WWC2: variants seen among roughly 807,000 people sequenced by gnomAD.
WWC2 encodes protein WWC2.
WWC2 carries 101 observed loss-of-function variants against 138.5 expected under a neutral mutation model. The observed-to-expected ratio is 0.73, with a 90% CI of 0.62 to 0.86. The LOEUF (loss-of-function observed/expected upper bound fraction) is 0.86. Ranked by LOEUF, WWC2 falls within the 40% of genes least tolerant of loss-of-function variation. The probability of loss-of-function intolerance (pLI) is 0.00; values close to 1 mark genes in which losing one functional copy is unlikely to be tolerated. For synonymous variants in WWC2, 558 were observed against 538.4 expected, an observed-to-expected ratio of 1.04 and a Z score of -0.50; for missense variants, 1,420 against 1,419.4, an observed-to-expected ratio of 1.00 and a Z score of -0.01.
chr4:183,140,996 T>C (rs1248793423), intron 1 of WWC2, among the ~76,000 whole-genome samples: 1 of 152,214 alleles, frequency 6.6e-6, no homozygotes. Flanking sequence ...AATTGTGCTC[T>C]GAATAAGTGT....
chr4:183,106,975 CTA>C (rs1400628264), intron 1 of WWC2, among the ~76,000 whole-genome samples: 4 of 151,974 alleles, frequency 2.6e-5, no homozygotes, highest in Non-Finnish European at 4.4e-5. Flanking sequence ...TATGGCAGTT[CTA>C]TGTTTAACTT....
chr4:183,158,208 A>G (rs1007821060), intron 1 of WWC2, among the ~76,000 whole-genome samples: 2 of 152,158 alleles, frequency 1.3e-5, no homozygotes, highest in Admixed American at 1.3e-4. Flanking sequence ...CAGCGTATGC[A>G]TTCTTGAAAA....
intron 5 of WWC2, 108 bp from the exon 6 acceptor site, chr4:183,245,308 A>G: frequency 1.1e-6 from 1 of 906,074 alleles, no homozygotes; most frequent in Non-Finnish European, 1.5e-6. Flanking sequence ...GACAGTCAGC[A>G]GTGAAATAAT....
chr4:183,188,936 G>A (rs1165208205), intron 1 of WWC2, among the ~76,000 whole-genome samples: 2 of 151,742 alleles, frequency 1.3e-5, no homozygotes, highest in Non-Finnish European at 2.9e-5. Context: ...ATGAACCACC[G>A]TGCCTGCCCC....
intron 21 of WWC2, among the ~76,000 whole-genome samples, chr4:183,298,516 T>G (rs1053664345): frequency 6.6e-6 from 1 of 152,194 alleles, no homozygotes; most frequent in African/African-American, 2.4e-5. Context: ...AGATCTTAGA[T>G]GCTGTTGTGG....
At chr4:183,128,032 A>G (rs183192774) in intron 1 of WWC2, among the ~76,000 whole-genome samples, 103 of 148,374 alleles carry the variant, frequency 6.9e-4, no homozygotes, top group Admixed American at 8.8e-4. Context: ...ACATAGTGAG[A>G]CCCCATCTCT....
At chr4:183,137,436 C>T (rs1179844395) in intron 1 of WWC2, among the ~76,000 whole-genome samples, 2 of 151,650 alleles carry the variant, frequency 1.3e-5, no homozygotes, top group East Asian at 3.9e-4. Flanking sequence ...CACACATTAG[C>T]CTAGGCCTGC....
At position 183,282,802 on chromosome 4, in the gene WWC2, A is replaced by C. The variant is rs373515970; in HGVS notation, c.2779A>C (p.Ser927Arg). ...GGACAGTAGCTGTACAGAAGATTTA[A>C]GTTCATGCACTAGTGTGCCTGAGAT... ...PEDSSCTEDL[S>R]SCTSVPEMNE... Residue 927 changes from serine to arginine, a missense_variant, in exon 18 of 23, where the codon AGT (serine) becomes CGT (arginine). Transcript: ENST00000403733. 4 of 1,586,462 alleles carry C rather than the reference A, an allele frequency of 2.5e-6. No individual in the cohort carries two copies. The African/African-American group carries it at 5.4e-5, about 21-fold the overall frequency.
At chr4:183,263,034 A>G (rs28580063) in intron 11 of WWC2, among the ~76,000 whole-genome samples, 2,537 of 152,312 alleles carry the variant, frequency 0.017, 69 homozygotes, top group African/African-American at 0.057. Flanking sequence ...GGTAATTATT[A>G]GTACTCTGTG....
At chr4:183,173,812 AC>A (rs1734368246) in intron 1 of WWC2, among the ~76,000 whole-genome samples, 1 of 151,972 alleles carries the variant, frequency 6.6e-6, no homozygotes, top group African/African-American at 2.4e-5. Flanking sequence ...AACCACTGAG[AC>A]TTTGGTATTG....
intron 1 of WWC2, among the ~76,000 whole-genome samples, chr4:183,156,392 G>A (rs1364934011): frequency 1.4e-5 from 2 of 141,958 alleles, no homozygotes; most frequent in Admixed American, 7.4e-5. Context: ...CTGTAGTGCA[G>A]TGGCACAATC....
intron 5 of WWC2, 93 bp downstream of exon 5, chr4:183,240,355 C>CTTAATTTT: frequency 1.0e-6 from 1 of 996,262 alleles, no homozygotes; most frequent in Non-Finnish European, 1.4e-6. Flanking sequence ...TAAGCGATTT[C>CTTAATTTT]TTAAAGAAAC....
chr4:183,100,225 C>T (rs980956743), intron 1 of WWC2, among the ~76,000 whole-genome samples: 4 of 152,218 alleles, frequency 2.6e-5, no homozygotes, highest in Non-Finnish European at 4.4e-5. Flanking sequence ...CGCTGTCTGT[C>T]GTTAGTCTTC....
intron 1 of WWC2, among the ~76,000 whole-genome samples, chr4:183,153,705 G>T (rs891302030): frequency 1.3e-5 from 2 of 149,018 alleles, no homozygotes; most frequent in African/African-American, 5.0e-5. Flanking sequence ...GAGTGCAGTG[G>T]CGCAATCACG....
intron 1 of WWC2, among the ~76,000 whole-genome samples, chr4:183,123,703 CAT>C (rs1209465852): frequency 6.6e-6 from 1 of 152,022 alleles, no homozygotes; most frequent in Non-Finnish European, 1.5e-5. Context: ...TATTTTTTGA[CAT>C]ATATTAAATA....
intron 9 of WWC2, 32 bp from the exon 10 acceptor site, chr4:183,259,607 A>T: frequency 7.1e-7 from 1 of 1,400,794 alleles, no homozygotes; most frequent in Admixed American, 2.4e-5. Flanking sequence ...ATTTTGTTAT[A>T]ATCATTTGAA....
At chr4:183,297,228 C>T (rs982013481) in intron 21 of WWC2, among the ~76,000 whole-genome samples, 1 of 152,068 alleles carries the variant, frequency 6.6e-6, no homozygotes, top group Non-Finnish European at 1.5e-5. Context: ...CCTCCTCGGC[C>T]TCCCAAAGTG....
At position 183,315,922 on chromosome 4, in the gene WWC2, C is replaced by A; in HGVS notation, c.*193C>A. The A allele has an allele frequency of 6.0e-6, 3 of 498,094 alleles. No individual in the cohort carries two copies. Among genetic ancestry groups the A allele is most frequent in the Non-Finnish European group, 7.2e-6 (2 of 279,280 alleles). The allele number at this position is 498,094 out of a possible 1,614,324, so 30.9% of individuals were successfully genotyped here. On this transcript the variant is annotated 3_prime_UTR_variant, in exon 23 of 23. Coordinates refer to ENST00000403733, the MANE Select transcript of WWC2 (RefSeq NM_024949.6). ...GTACCTTGAGTGTAATTTTTATATGCTTAAAAAAGAAAAAATCATATAAGA... is the reference window on the plus strand; with the variant it reads ...GTACCTTGAGTGTAATTTTTATATGATTAAAAAAGAAAAAATCATATAAGA...
chr4:183,257,621 C>A (rs1233098658), intron 9 of WWC2, among the ~76,000 whole-genome samples: 1 of 152,150 alleles, frequency 6.6e-6, no homozygotes, highest in East Asian at 1.9e-4. Context: ...TTTCTTCTAA[C>A]CCCTGGTTAT....
Sources: allele counts gnomAD v4.1 joint callset (sites outside exome capture counted in the v4.1 genomes callset), GRCh38; gene constraint gnomAD v4.1.1; transcripts MANE v1.5; gene names NCBI Gene and HGNC (gene_info 2026-07-23, HGNC 2026-07-21).